Variants in VEPH1 observed in about 807,000 individuals in gnomAD.
The protein encoded by VEPH1 is ventricular zone-expressed PH domain-containing protein homolog 1.
A neutral mutation model predicts 85.2 loss-of-function variants in VEPH1; 80 were observed. The observed-to-expected ratio is 0.94, with a 90% CI of 0.78 to 1.13. VEPH1 has a LOEUF of 1.13. Ranked by LOEUF, VEPH1 falls within the 50% of genes most tolerant of loss-of-function variation. The pLI is 0.00. For missense variants in VEPH1, 955 were observed against 980.5 expected, an observed-to-expected ratio of 0.97 and a Z score of 0.35; for synonymous variants, 297 against 348.0, an observed-to-expected ratio of 0.85 and a Z score of 1.63.
At chr3:157,353,151 G>C (rs1725053658) in intron 9 of VEPH1, among the ~76,000 whole-genome samples, 1 of 152,164 alleles carries the variant, frequency 6.6e-6, no homozygotes. Flanking sequence ...CTGCATCTCT[G>C]TTACTGAAGC....
At chr3:157,409,969 T>C in intron 6 of VEPH1, 2 of 974,190 alleles carry the variant, frequency 2.1e-6, no homozygotes, top group Admixed American at 1.2e-4. Flanking sequence ...TATTATATGC[T>C]CTGATCAGTC....
intron 11 of VEPH1, among the ~76,000 whole-genome samples, chr3:157,295,961 A>T (rs1008560970): frequency 3.2e-4 from 49 of 152,270 alleles, no homozygotes; most frequent in Non-Finnish European, 6.2e-4. Context: ...TCTCAAAAAA[A>T]AATAAATAAA....
rs142928647 is a variant in VEPH1 at position 157,345,054 on chromosome 3, G to A, written c.1735+18310C>T. 2.8e-3 allele frequency among the ~76,000 whole-genome samples: 426 copies of A among 152,258 alleles called. 5 individuals carry two copies. The East Asian group carries it at 0.043, about 15-fold the overall frequency. ...AGATGGATTAAAGATTTAAATGTTA[G>A]ACCTAAAACCATAAAAACCCTAGAA... On this transcript the variant is annotated intron_variant, in intron 9 of 13. Transcript: ENST00000362010.
At chr3:157,439,735 C>T (rs1179989701) in intron 4 of VEPH1, among the ~76,000 whole-genome samples, 3 of 152,092 alleles carry the variant, frequency 2.0e-5, no homozygotes, top group African/African-American at 7.2e-5. Context: ...GCAGTAGGCA[C>T]CCTCTTGAAC....
At chr3:157,491,009 A>G (rs1189721033) in intron 2 of VEPH1, among the ~76,000 whole-genome samples, 1 of 152,214 alleles carries the variant, frequency 6.6e-6, no homozygotes, top group Non-Finnish European at 1.5e-5. Flanking sequence ...GAGCCCTATG[A>G]CAACATTTAT....
chr3:157,376,433 T>C (rs1190042688), intron 7 of VEPH1, among the ~76,000 whole-genome samples: 1 of 152,212 alleles, frequency 6.6e-6, no homozygotes, highest in East Asian at 1.9e-4. Context: ...TAACTTGATG[T>C]TGAAGGGTAG....
chr3:157,412,014 G>T (rs1211781946), intron 6 of VEPH1, among the ~76,000 whole-genome samples: 2 of 152,140 alleles, frequency 1.3e-5, no homozygotes, highest in Non-Finnish European at 2.9e-5. Context: ...TCATGATAGT[G>T]AGTGAGTGCT....
chr3:157,495,345 T>C lies in VEPH1; in HGVS notation c.5A>G (p.His2Arg), dbSNP rs373381778. The C allele has an allele frequency of 4.0e-5, 65 of 1,613,894 alleles. No individual in the cohort carries two copies. Among genetic ancestry groups the C allele is most frequent in the African/African-American group, 5.3e-5 (4 of 75,044 alleles). The change falls in exon 2 of 14, where the codon CAT (histidine) becomes CGT (arginine). Residue 2 changes from histidine to arginine, a missense_variant. His to Arg is a conservative substitution (Grantham distance 29). Coordinates refer to ENST00000362010, the MANE Select transcript of VEPH1 (RefSeq NM_001167912.2). ...TCCCAAAACCAGTCTGAACAGTTGA[T>C]GCATGGTGAGGATGAGTTTGATCAG... MHQLFRLVLGQK... is the reference protein window; with the variant it reads MRQLFRLVLGQK...
intron 13 of VEPH1, among the ~76,000 whole-genome samples, chr3:157,261,799 C>T (rs112239663): frequency 4.6e-5 from 7 of 152,134 alleles, no homozygotes; most frequent in African/African-American, 1.4e-4. Flanking sequence ...AATAGAGAGG[C>T]TTCCAGTGTT....
chr3:157,285,204 CTTAT>C (rs1716617467), intron 12 of VEPH1: 1 of 152,172 alleles, frequency 6.6e-6, no homozygotes, highest in African/African-American at 2.4e-5. Flanking sequence ...TCCCCAATTC[CTTAT>C]TTGTTTGAAT....
chr3:157,305,389 C>T (rs2108482767), intron 11 of VEPH1, among the ~76,000 whole-genome samples: 1 of 152,192 alleles, frequency 6.6e-6, no homozygotes, highest in Middle Eastern at 3.4e-3. Flanking sequence ...GGATTACAGG[C>T]GTGAGCCACC....
chr3:157,496,432 T>C (rs1739671756), intron 1 of VEPH1, among the ~76,000 whole-genome samples: 1 of 152,230 alleles, frequency 6.6e-6, no homozygotes, highest in African/African-American at 2.4e-5. Flanking sequence ...CCATAATAGC[T>C]GTGGCAAGGA....
chr3:157,495,433 T>C lies in VEPH1; in HGVS notation c.-84A>G, dbSNP rs993120803. 3.2e-6 allele frequency: 5 copies of C among 1,561,790 alleles called. No homozygotes were observed. The highest frequency in any genetic ancestry group is 3.9e-5 in the Admixed American group (2 of 51,276). ...ATCAGAGGTCAGTAAGACAAAAACA[T>C]GTAGAAGGAGGTATACTTCTTATTC... On this transcript the variant is annotated 5_prime_UTR_variant, in exon 2 of 14. An upstream start codon of the reference 5' UTR is lost. Coordinates refer to ENST00000362010, the MANE Select transcript of VEPH1 (RefSeq NM_001167912.2).
intron 2 of VEPH1, among the ~76,000 whole-genome samples, chr3:157,485,611 G>GA (rs1484112058): frequency 1.6e-4 from 24 of 151,800 alleles, no homozygotes; most frequent in Non-Finnish European, 4.4e-5. Context: ...AATAAACATG[G>GA]AAAAGTCAGA....
chr3:157,406,026 C>T (rs1175675456), intron 6 of VEPH1, among the ~76,000 whole-genome samples: 3 of 152,086 alleles, frequency 2.0e-5, no homozygotes, highest in Non-Finnish European at 4.4e-5. Context: ...CTTTGTTTTC[C>T]TTATACTTTG....
chr3:157,478,843 C>T (rs1737741717), intron 2 of VEPH1, among the ~76,000 whole-genome samples: 1 of 152,106 alleles, frequency 6.6e-6, no homozygotes, highest in Non-Finnish European at 1.5e-5. Context: ...CTGTGAGCCC[C>T]TTAAAGCTAT....
intron 9 of VEPH1, among the ~76,000 whole-genome samples, chr3:157,329,485 A>C (rs1722273912): frequency 6.6e-6 from 1 of 152,222 alleles, no homozygotes; most frequent in Admixed American, 6.5e-5. Context: ...GATAGAGGTC[A>C]ATATATCTTT....
intron 9 of VEPH1, among the ~76,000 whole-genome samples, chr3:157,347,819 A>T (rs1398862704): frequency 6.6e-6 from 1 of 152,206 alleles, no homozygotes; most frequent in African/African-American, 2.4e-5. Flanking sequence ...CTCAAACCCT[A>T]AGCCCAGTTT....
chr3:157,271,430 C>T (rs116364434), intron 12 of VEPH1, among the ~76,000 whole-genome samples: 53 of 152,042 alleles, frequency 3.5e-4, no homozygotes, highest in Non-Finnish European at 6.3e-4. Context: ...GTGGGCAGGG[C>T]GTAGGAAAAG....
Sources: gnomAD v4.1 joint callset for allele counts (sites outside exome capture counted in the v4.1 genomes callset) on GRCh38, gnomAD v4.1.1 for gene constraint, MANE v1.5 for transcripts, NCBI Gene and HGNC (gene_info 2026-07-23, HGNC 2026-07-21) for gene names.